The following CROCC variants were observed in gnomAD, a reference collection of about 807,000 sequenced individuals.
CROCC encodes ciliary rootlet coiled-coil, rootletin.
Under a neutral mutation model 245.2 loss-of-function variants are expected in CROCC, and 180 were observed. The ratio of observed to expected loss-of-function variants is 0.73; its 90% CI spans 0.65 to 0.83. The LOEUF (loss-of-function observed/expected upper bound fraction) is 0.83. Among genes scored for constraint, CROCC ranks in the 40% least tolerant of loss-of-function variants. CROCC has a pLI of 0.00. For missense variants in CROCC, 2,688 were observed against 2,779.4 expected (o/e 0.97, Z 0.74); for synonymous variants, 1,205 against 1,241.6 (o/e 0.97, Z 0.62).
At chr1:16,917,027 A>G (rs1196877888), upstream of CROCC, among the ~76,000 whole-genome samples, 2 of 152,296 alleles carry the variant, frequency 1.3e-5, no homozygotes, top group Non-Finnish European at 2.9e-5. Context: ...CTGAGGCAGG[A>G]GAATTGCTTG....
chr1:16,946,816 C>T lies in CROCC; in HGVS notation c.2339C>T (p.Ala780Val), dbSNP rs1327399368. The change falls in exon 17 of 37, where the codon GCC becomes GTC. Residue 780 changes from alanine to valine, a missense_variant. Ala to Val is a moderately conservative substitution (Grantham distance 64). Transcript: ENST00000375541. ...CGGCAACGGCAGGCAGAGCAGGAGG[C>T]CACAGTGGCGCGGGAAGAGCAGGAA... Reference protein sequence around the residue: ...QGRQRQAEQEATVAREEQERL... With the variant: ...QGRQRQAEQEVTVAREEQERL... 20 of 1,552,174 alleles carry T rather than the reference C, an allele frequency of 1.3e-5. No homozygotes were observed. The highest frequency in any genetic ancestry group is 4.1e-5 in the African/African-American group (3 of 73,152).
rs1281520590 is a variant in CROCC at position 16,938,305 on chromosome 1, C to T, written c.1291-95C>T. ...GGCCTATGGACATGGCTTCAGAGGCCACCTGGTCAGTGGTGGGCCAGGTAG... is the reference window on the plus strand; with the variant it reads ...GGCCTATGGACATGGCTTCAGAGGCTACCTGGTCAGTGGTGGGCCAGGTAG... On this transcript the variant is annotated intron_variant, in intron 10 of 36. Transcript: ENST00000375541. 8.2e-6 allele frequency: 10 copies of T among 1,219,804 alleles called. No homozygotes were observed. In the East Asian group the frequency reaches 2.5e-4, roughly 31 times the overall value. 75.6% of individuals were successfully genotyped at this position (1,219,804 alleles called of 1,614,324 possible). A position where few individuals can be genotyped will look rare whatever the true frequency, so the allele number is the denominator to read the frequency against.
At chr1:16,971,351 C>T (rs945732232) in intron 35 of CROCC, 114 bp from the exon 36 acceptor site, 3 of 1,394,086 alleles carry the variant, frequency 2.2e-6, no homozygotes, top group Admixed American at 5.5e-5. Flanking sequence ...AAGGATCTCT[C>T]CTGCCTTCCC....
chr1:16,928,644 A>G (rs1211476098), intron 3 of CROCC, among the ~76,000 whole-genome samples: 7 of 151,944 alleles, frequency 4.6e-5, no homozygotes, highest in Non-Finnish European at 8.8e-5. Context: ...TCTACTAAAA[A>G]TACAAAAAAT....
At chr1:16,936,523 C>CAGG (rs1440757809) in intron 8 of CROCC, 114 bp from the exon 9 acceptor site, 2 of 1,104,932 alleles carry the variant, frequency 1.8e-6, no homozygotes, top group African/African-American at 3.1e-5. Flanking sequence ...CCCGCCTTGG[C>CAGG]CTCCTGAAGT....
At chr1:16,947,038 G>T (rs1419533918) in intron 17 of CROCC, 47 bp downstream of exon 17, 15 of 1,491,154 alleles carry the variant, frequency 1.0e-5, no homozygotes, top group Non-Finnish European at 1.3e-5. Flanking sequence ...ATGTGGGGCA[G>T]GCCGGGCTCC....
chr1:16,914,198 G>A (rs1472346889), intron 1 of CROCC, among the ~76,000 whole-genome samples: 2 of 151,818 alleles, frequency 1.3e-5, no homozygotes, highest in Non-Finnish European at 2.9e-5. Flanking sequence ...CGGCGGAGGA[G>A]GCCGCGCGCC....
chr1:16,959,527 A>G (rs1326028430), intron 26 of CROCC, among the ~76,000 whole-genome samples: 2 of 152,204 alleles, frequency 1.3e-5, no homozygotes, highest in African/African-American at 4.8e-5. Context: ...GAGATGGGCT[A>G]GCACAGCCGA....
chr1:16,966,364 G>C lies in CROCC; in HGVS notation c.4697-44G>C, dbSNP rs1393143578. The C allele has an allele frequency of 4.7e-6, 7 of 1,486,020 alleles. No individual in the cohort carries two copies. The highest frequency in any genetic ancestry group is 6.3e-6 in the Non-Finnish European group (7 of 1,117,214). The allele number at this position is 1,486,020 out of a possible 1,614,324, so 92.1% of individuals were successfully genotyped here. On this transcript the variant is annotated intron_variant, in intron 29 of 36. Coordinates refer to ENST00000375541, the MANE Select transcript of CROCC (RefSeq NM_014675.5). The surrounding 1 kb of genome is among the most constrained non-coding windows in gnomAD (Gnocchi z 4.8). ...ATTTTGTGACCTGGTTTGGGTCTCGGGGCTGTGCTTGGCCATGCCTGACGG... is the reference window on the plus strand; with the variant it reads ...ATTTTGTGACCTGGTTTGGGTCTCGCGGCTGTGCTTGGCCATGCCTGACGG...
chr1:16,938,620 T>A (rs2075845633), intron 11 of CROCC, 137 bp downstream of exon 11: 1 of 913,764 alleles, frequency 1.1e-6, no homozygotes, highest in Non-Finnish European at 1.7e-6. Context: ...TCAGCACCCC[T>A]GCTAGCTCAC....
chr1:16,953,079 G>C, intron 20 of CROCC: 1 of 550,594 alleles, frequency 1.8e-6, no homozygotes, highest in East Asian at 3.0e-5. Flanking sequence ...TCCCTCCGCA[G>C]GGGACCATGT....
chr1:16,950,655 A>G (rs555665306), intron 19 of CROCC, among the ~76,000 whole-genome samples: 34 of 152,324 alleles, frequency 2.2e-4, no homozygotes, highest in African/African-American at 6.3e-4. Context: ...AAGGCACCTG[A>G]CCTAGGGTTG....
chr1:16,972,481 T>A lies in CROCC; in HGVS notation c.*35T>A. The A allele has an allele frequency of 1.5e-5, 23 of 1,490,138 alleles. No individual in the cohort carries two copies. Among genetic ancestry groups the A allele is most frequent in the Non-Finnish European group, 2.0e-5 (22 of 1,075,018 alleles). 92.3% of individuals were successfully genotyped at this position (1,490,138 alleles called of 1,614,324 possible). On this transcript the variant is annotated 3_prime_UTR_variant, in exon 37 of 37. Transcript: ENST00000375541. ...GGCATCTGGAGAACACCCCTGTGCCTGGGACAGGGGAGGACCCTTCTTTTG... is the reference window on the plus strand; with the variant it reads ...GGCATCTGGAGAACACCCCTGTGCCAGGGACAGGGGAGGACCCTTCTTTTG...
chr1:16,921,761 T>G (rs1432910803), upstream of CROCC, among the ~76,000 whole-genome samples: 1 of 152,212 alleles, frequency 6.6e-6, no homozygotes, highest in Non-Finnish European at 1.5e-5. Context: ...TTTCTCTCCC[T>G]TCTCCTCCCC....
chr1:16,951,234 G>C, intron 20 of CROCC, 112 bp downstream of exon 20: 1 of 1,018,966 alleles, frequency 9.8e-7, no homozygotes. Flanking sequence ...CTGTTGTGGA[G>C]GTCCTGGGGA....
intron 1 of CROCC, among the ~76,000 whole-genome samples, chr1:16,915,092 T>A (rs1256642605): frequency 6.6e-6 from 1 of 152,224 alleles, no homozygotes; most frequent in Non-Finnish European, 1.5e-5. Context: ...CCCAAGTCTT[T>A]CAGCCCTTTC....
intron 8 of CROCC, among the ~76,000 whole-genome samples, chr1:16,931,864 C>A (rs1322857560): frequency 6.6e-6 from 1 of 152,196 alleles, no homozygotes; most frequent in Non-Finnish European, 1.5e-5. Flanking sequence ...TCAAGCAATT[C>A]TCCTGCCTCA....
In CROCC at chr1:16,972,473, CCT is replaced by C. The variant is rs1249327617; in HGVS notation, c.*28_*29del. On this transcript the variant is annotated 3_prime_UTR_variant, in exon 37 of 37. Coordinates refer to ENST00000375541, the MANE Select transcript of CROCC (RefSeq NM_014675.5). ...CTCCTGCTGGCATCTGGAGAACACC[CCT>C]GTGCCTGGGACAGGGGAGGACCCTT... 1 of 1,583,894 alleles carries C rather than the reference CCT, an allele frequency of 6.3e-7. No individual in the cohort carries two copies. Among genetic ancestry groups the C allele is most frequent in the African/African-American group, 1.3e-5 (1 of 74,118 alleles).
chr1:16,919,217 A>T (rs1391166547), upstream of CROCC, among the ~76,000 whole-genome samples: 1 of 152,280 alleles, frequency 6.6e-6, no homozygotes, highest in Non-Finnish European at 1.5e-5. Flanking sequence ...TCTGACCTGG[A>T]TACAGAAGTA....
Sources: gnomAD v4.1 joint callset for allele counts (sites outside exome capture counted in the v4.1 genomes callset) on GRCh38, gnomAD v4.1.1 for gene constraint, Gnocchi (gnomAD v3.1) non-coding constraint, MANE v1.5 for transcripts, NCBI Gene and HGNC (gene_info 2026-07-23, HGNC 2026-07-21) for gene names.